Variants in TPST1 observed in about 807,000 individuals in gnomAD.
TPST1 encodes protein-tyrosine sulfotransferase 1.
In TPST1, 20 loss-of-function variants were observed where a neutral mutation model predicts 34.8. The ratio of observed to expected loss-of-function variants is 0.57; its 90% confidence interval spans 0.40 to 0.84. TPST1 has a LOEUF of 0.84. Among genes scored for constraint, TPST1 ranks in the 40% least tolerant of loss-of-function variants. TPST1 has a pLI of 0.00. For synonymous variants in TPST1, 152 were observed against 159.4 expected (o/e 0.95, Z 0.35); for missense variants, 353 against 455.5 (o/e 0.78, Z 2.05).
chr7:66,241,370 CTG>C (rs2116410951), intron 2 of TPST1, 100 bp downstream of exon 2: 1 of 1,407,552 alleles, frequency 7.1e-7, no homozygotes, highest in East Asian at 2.5e-5. Context: ...GTGTATGTTC[CTG>C]TGTGTATATA....
rs66521537 is a variant in TPST1, at chr7:66,354,522, CAAAAAAAAAAA to C, written c.1095+1986_1095+1996del. ...TGGGTGACAGAGCGAGAGTCTGTCT[CAAAAAAAAAAA>C]AAAAAAAAAAAAAAAAAATTCCAAA... On this transcript the variant is annotated intron_variant, in intron 4 of 5. Transcript: ENST00000304842. Among the ~76,000 whole-genome samples, 20 of 60,794 alleles carry C rather than the reference CAAAAAAAAAAA, an allele frequency of 3.3e-4. No homozygotes were observed. In the East Asian group the frequency reaches 5.9e-3, roughly 18 times the overall value. 39.9% of individuals were successfully genotyped at this position (60,794 alleles called of 152,430 possible). A position where few individuals can be genotyped will look rare whatever the true frequency, so the allele number is the denominator to read the frequency against.
chr7:66,236,123 G>A (rs1177341887), intron 1 of TPST1, among the ~76,000 whole-genome samples: 1 of 152,134 alleles, frequency 6.6e-6, no homozygotes, highest in African/African-American at 2.4e-5. Context: ...AGAATGGGAG[G>A]CAGGTTTGCC....
chr7:66,297,566 A>T (rs1477220781), intron 3 of TPST1, among the ~76,000 whole-genome samples: 3 of 152,224 alleles, frequency 2.0e-5, no homozygotes, highest in Non-Finnish European at 4.4e-5. Flanking sequence ...GATCCAATTT[A>T]TGAATGGAAT....
At chr7:66,313,371 T>G (rs947161059) in intron 3 of TPST1, among the ~76,000 whole-genome samples, 7 of 152,064 alleles carry the variant, frequency 4.6e-5, no homozygotes, top group Non-Finnish European at 8.8e-5. Context: ...GCCAAGATCA[T>G]GCCATAACTC....
At chr7:66,241,487 T>A (rs1431487926) in intron 2 of TPST1, among the ~76,000 whole-genome samples, 1 of 152,182 alleles carries the variant, frequency 6.6e-6, no homozygotes, top group Non-Finnish European at 1.5e-5. Flanking sequence ...TATTTATACT[T>A]CATTTTTTCA....
intron 3 of TPST1, among the ~76,000 whole-genome samples, chr7:66,293,519 A>T (rs1374728755): frequency 2.6e-5 from 4 of 152,166 alleles, no homozygotes. Flanking sequence ...AGAAAAAAGA[A>T]TGAAGAAAAA....
intron 5 of TPST1, among the ~76,000 whole-genome samples, chr7:66,358,823 A>AAC (rs1243890995): frequency 3.3e-5 from 5 of 152,178 alleles, no homozygotes; most frequent in Admixed American, 1.3e-4. Context: ...CGCCCCACCA[A>AAC]ACACACACAA....
At chr7:66,355,670 C>T (rs922338048) in intron 4 of TPST1, among the ~76,000 whole-genome samples, 2 of 151,674 alleles carry the variant, frequency 1.3e-5, no homozygotes, top group Non-Finnish European at 2.9e-5. Flanking sequence ...GAGGCTGAGG[C>T]GGGCAGATCA....
chr7:66,318,741 G>A lies in TPST1; in HGVS notation c.1044+32032G>A, dbSNP rs954156584. ...GGCCTCTCAAAGTGCTGGGAGTATA[G>A]GCGTGAGCCACCACGCCCAGCCTAG... On this transcript the variant is annotated intron_variant, in intron 3 of 5. Transcript: ENST00000304842. 2.6e-5 allele frequency among the ~76,000 whole-genome samples: 4 copies of A among 152,200 alleles called. 1 individual carries two copies. The highest frequency in any genetic ancestry group is 9.6e-5 in the African/African-American group (4 of 41,452).
intron 2 of TPST1, among the ~76,000 whole-genome samples, chr7:66,278,408 T>C (rs1393417263): frequency 6.6e-6 from 1 of 152,102 alleles, no homozygotes; most frequent in Non-Finnish European, 1.5e-5. Context: ...TTGGACTATG[T>C]TGAGCTTGAG....
intron 3 of TPST1, among the ~76,000 whole-genome samples, chr7:66,319,914 C>A (rs1209391664): frequency 1.3e-5 from 2 of 152,120 alleles, no homozygotes; most frequent in South Asian, 2.1e-4. Context: ...CCTGGAAGCT[C>A]CCCTCCTACC....
chr7:66,337,591 G>A (rs1584251345), intron 3 of TPST1, among the ~76,000 whole-genome samples: 1 of 152,200 alleles, frequency 6.6e-6, no homozygotes, highest in Non-Finnish European at 1.5e-5. Flanking sequence ...TTACAGGCTT[G>A]AGCCACCATG....
At chr7:66,345,992 G>C (rs1316013785) in intron 3 of TPST1, among the ~76,000 whole-genome samples, 1 of 141,860 alleles carries the variant, frequency 7.0e-6, no homozygotes, top group Non-Finnish European at 1.5e-5. Context: ...ACCCTTCCCA[G>C]CCTTTGGTAA....
At chr7:66,275,532 C>T (rs890004563) in intron 2 of TPST1, among the ~76,000 whole-genome samples, 2 of 152,186 alleles carry the variant, frequency 1.3e-5, no homozygotes. Flanking sequence ...CAATGGAATA[C>T]TATTTAGCCT....
At chr7:66,350,235 G>A (rs1448633049) in intron 3 of TPST1, among the ~76,000 whole-genome samples, 3 of 152,078 alleles carry the variant, frequency 2.0e-5, no homozygotes, top group Admixed American at 6.6e-5. Context: ...GGCTGGTCTC[G>A]AACTCCTGAC....
intron 2 of TPST1, among the ~76,000 whole-genome samples, chr7:66,280,641 G>C (rs954141783): frequency 6.6e-6 from 1 of 152,114 alleles, no homozygotes; most frequent in South Asian, 2.1e-4. Flanking sequence ...TTCCAGTACT[G>C]TGTTGAGTAG....
At position 66,208,840 on chromosome 7, in the gene TPST1, A is replaced by G. The variant is rs890117608; in HGVS notation, c.-102+3318A>G. 4.6e-5 allele frequency among the ~76,000 whole-genome samples: 7 copies of G among 152,196 alleles called. No individual in the cohort carries two copies. In the South Asian group the frequency reaches 1.0e-3, roughly 22 times the overall value. On this transcript the variant is annotated intron_variant, in intron 1 of 5. Transcript: ENST00000304842. ...CTTGAGAGTGAACCCTTTAAGAGAA[A>G]GAGTTGTGTCATATCTCATTGTATC...
chr7:66,324,828 A>C (rs989893440), intron 3 of TPST1, among the ~76,000 whole-genome samples: 7 of 145,914 alleles, frequency 4.8e-5, no homozygotes, highest in African/African-American at 1.3e-4. Context: ...AAAAAAAAAA[A>C]AACAAGACAA....
Position 66,303,166 on chromosome 7 carries a change from A to C in TPST1, c.1044+16457A>C, listed in dbSNP as rs1028987114. On this transcript the variant is annotated intron_variant, in intron 3 of 5. Coordinates refer to ENST00000304842, the MANE Select transcript of TPST1 (RefSeq NM_003596.4). The stretch of plus-strand genomic sequence containing the variant: ...TTTATATTATATGCTGCTGCTTTTA[A>C]ACTAAGGACATGCCAGACATGCCTT... Among the ~76,000 whole-genome samples the C allele has an allele frequency of 7.2e-5, 11 of 152,292 alleles. No individual in the cohort carries two copies. In the South Asian group the frequency reaches 2.3e-3, roughly 32 times the overall value.
Sources: allele counts gnomAD v4.1 joint callset (sites outside exome capture counted in the v4.1 genomes callset), GRCh38; gene constraint gnomAD v4.1.1; transcripts MANE v1.5; gene names NCBI Gene and HGNC (gene_info 2026-07-23, HGNC 2026-07-21).